KLHL11: variants seen among roughly 807,000 people sequenced by gnomAD.
The protein encoded by KLHL11 is kelch like family member 11.
A neutral mutation model predicts 56.1 loss-of-function variants in KLHL11; 26 were observed. That is an observed-to-expected ratio of 0.46 (90% confidence interval 0.34 to 0.64). KLHL11 has a LOEUF of 0.64. KLHL11 is among the 30% of genes least tolerant of loss of function. KLHL11 has a pLI of 0.01. For synonymous variants in KLHL11, 338 were observed against 345.8 expected (o/e 0.98, Z 0.25); for missense variants, 627 against 919.4 (o/e 0.68, Z 4.11).
intron 1 of KLHL11, among the ~76,000 whole-genome samples, chr17:41,858,389 G>GAT (rs782184694): frequency 1.6e-3 from 148 of 92,610 alleles, no homozygotes; most frequent in African/African-American, 4.9e-3. Flanking sequence ...ACCAAACCCA[G>GAT]ATATATATAT....
chr17:41,861,089 G>C (rs1445745847), intron 1 of KLHL11, among the ~76,000 whole-genome samples: 1 of 152,152 alleles, frequency 6.6e-6, no homozygotes, highest in Non-Finnish European at 1.5e-5. Context: ...AAACTAAGGA[G>C]GCTAAGGTCT....
chr17:41,859,920 C>CTA (rs1336488797), intron 1 of KLHL11, among the ~76,000 whole-genome samples: 2 of 152,146 alleles, frequency 1.3e-5, no homozygotes, highest in Non-Finnish European at 2.9e-5. Context: ...TTTAAAAAGA[C>CTA]TAAGTCCCCA....
chr17:41,855,000 A>G lies in KLHL11; in HGVS notation c.867T>C (p.Phe289=). Residue 289 remains phenylalanine, a synonymous_variant, in exon 2 of 2, where the codon TTT becomes TTC. Transcript: ENST00000319121. This position sits in a 1 kb window ranked among gnomAD's most constrained non-coding sequence, Gnocchi z 4.9. The part of the protein sequence containing the change: ...EERERYFEEL[F]KLLRLSQMKP... The stretch of plus-strand genomic sequence containing the variant: ...TCATCTGGGACAACCTGAGCAATTT[A>G]AAAAGTTCTTCAAAGTATCTCTCTC... 6.2e-7 allele frequency: 1 copy of G among 1,614,156 alleles called. No homozygotes were observed. Among genetic ancestry groups the G allele is most frequent in the Non-Finnish European group, 8.5e-7 (1 of 1,180,026 alleles).
rs782500772 is a variant in KLHL11, at chr17:41,865,077, C to T, written c.294G>A (p.Leu98=). The T allele has an allele frequency of 6.3e-7, 1 of 1,598,288 alleles. No homozygotes were observed. The highest frequency in any genetic ancestry group is 1.7e-5 in the Admixed American group (1 of 58,808). ...CGCGGCCTCCAGCCCCGCCGAAGCA[C>T]AGGGTAATGTCGCAGAAGAGGCCCT... is the stretch of plus-strand genomic sequence containing the variant. ...RRQGLFCDIT[L]CFGGAGGREF... is the part of the protein sequence containing the mutation. Residue 98 remains leucine (L), a synonymous_variant, in exon 1 of 2, where the codon CTG becomes CTA. Coordinates refer to ENST00000319121, the MANE Select transcript of KLHL11 (RefSeq NM_018143.3).
At chr17:41,862,210 TC>T (rs2048408034) in intron 1 of KLHL11, among the ~76,000 whole-genome samples, 2 of 152,174 alleles carry the variant, frequency 1.3e-5, no homozygotes, top group Admixed American at 1.3e-4. Context: ...TGCCTCAGCC[TC>T]CTGAGTAGTT....
rs1229103228 is a variant in KLHL11 at position 41,850,935 on chromosome 17, A to C, written c.*2805T>G. ...TAAAAATTTCAAGTTCTTAGTATAG[A>C]GCCCAAGACCTACAACTTGCAGCAA... is the stretch of plus-strand genomic sequence containing the variant. On this transcript the variant is annotated 3_prime_UTR_variant, in exon 2 of 2. Coordinates refer to ENST00000319121, the MANE Select transcript of KLHL11 (RefSeq NM_018143.3). 6.6e-6 allele frequency: 1 copy of C among 152,226 alleles called. No homozygotes were observed. The highest frequency in any genetic ancestry group is 1.5e-5 in the Non-Finnish European group (1 of 68,032). The allele number at this position is 152,226 out of a possible 1,614,324, so 9.4% of individuals were successfully genotyped here. A position where few individuals can be genotyped will look rare whatever the true frequency, so the allele number is the denominator to read the frequency against.
chr17:41,864,930 C>T lies in KLHL11; in HGVS notation c.441G>A (p.Pro147=). Residue 147 remains proline, a synonymous_variant, in exon 1 of 2, where the codon CCG becomes CCA. Coordinates refer to ENST00000319121, the MANE Select transcript of KLHL11 (RefSeq NM_018143.3). ...CTTCCACTGTGTCGGGTTCGGGCCC[C>T]GGCTCGGAGCTCCACTTGCGCATCT... ...RVEMRKWSSE[P]GPEPDTVEAV... The T allele has an allele frequency of 2.5e-6, 4 of 1,610,842 alleles. No homozygotes were observed. The South Asian group carries it at 3.3e-5, about 13-fold the overall frequency.
At chr17:41,858,405 T>TATA (rs144099618) in intron 1 of KLHL11, among the ~76,000 whole-genome samples, 19,711 of 48,796 alleles carry the variant, frequency 0.4, 1,764 homozygotes, top group South Asian at 0.51. Flanking sequence ...TATATATATA[T>TATA]TTTTTGTTGT....
In KLHL11 at chr17:41,865,350, C is replaced by A. The variant is rs1043542055; in HGVS notation, c.21G>T (p.Ala7=). The change falls in exon 1 of 2, where the codon GCG becomes GCT. Residue 7 remains alanine (A), a synonymous_variant. Coordinates refer to ENST00000319121, the MANE Select transcript of KLHL11 (RefSeq NM_018143.3). The stretch of plus-strand genomic sequence containing the variant: ...CAGCCGCGGCCGCCGCCGCCGCCGC[C>A]GCCACTGCCGCAGCCGCCATCTTGA... The part of the protein sequence containing the change: MAAAAV[A]AAAAAAAAAS... 1.7e-5 allele frequency: 25 copies of A among 1,446,536 alleles called. No homozygotes were observed. In the East Asian group the frequency reaches 3.3e-4, roughly 19 times the overall value. The allele number at this position is 1,446,536 out of a possible 1,614,324, so 89.6% of individuals were successfully genotyped here. A position where few individuals can be genotyped will look rare whatever the true frequency, so the allele number is the denominator to read the frequency against.
rs1555622227 is a variant in KLHL11, at chr17:41,854,050, T to C, written c.1817A>G (p.Tyr606Cys). ...TATAATGAAGACATCATCTTTGTAATAGCAAATGGCTGCTCCTTCGATGCT... is the reference window on the plus strand; with the variant it reads ...TATAATGAAGACATCATCTTTGTAACAGCAAATGGCTGCTCCTTCGATGCT... ...VLSIEGAAIC[Y>C]YKDDVFIIGG... The change falls in exon 2 of 2, where the codon TAT becomes TGT. Residue 606 changes from tyrosine to cysteine, a missense_variant. Physicochemically the swap from Tyr to Cys is radical, Grantham distance 194. Transcript: ENST00000319121. The surrounding 1 kb of genome is among the most constrained non-coding windows in gnomAD (Gnocchi z 4.9). The C allele has an allele frequency of 1.9e-6, 3 of 1,614,082 alleles. No homozygotes were observed. The highest frequency in any genetic ancestry group is 1.3e-5 in the African/African-American group (1 of 74,936).
intron 1 of KLHL11, among the ~76,000 whole-genome samples, chr17:41,862,916 A>G (rs1032611187): frequency 1.3e-5 from 2 of 152,156 alleles, no homozygotes; most frequent in African/African-American, 4.8e-5. Context: ...ACTCCCAAAC[A>G]GGCTCTTCTG....
At chr17:41,856,136 G>A (rs1024902594) in intron 1 of KLHL11, among the ~76,000 whole-genome samples, 4 of 152,070 alleles carry the variant, frequency 2.6e-5, no homozygotes, top group Middle Eastern at 3.4e-3. Flanking sequence ...GATTACAGGC[G>A]TGTGCCACCA....
Position 41,865,388 on chromosome 17 carries a change from C to G in KLHL11, c.-18G>C, listed in dbSNP as rs782055630. On this transcript the variant is annotated 5_prime_UTR_variant, in exon 1 of 2. Transcript: ENST00000319121. ...GCCGCCATCTTGACGCCGCTGCGCC[C>G]GGCCTCCACAGCCTCGGAACGATGC... 7.4e-6 allele frequency: 10 copies of G among 1,352,140 alleles called. No individual in the cohort carries two copies. The highest frequency in any genetic ancestry group is 1.6e-5 in the African/African-American group (1 of 64,470). 83.8% of individuals were successfully genotyped at this position (1,352,140 alleles called of 1,614,324 possible). A position where few individuals can be genotyped will look rare whatever the true frequency, so the allele number is the denominator to read the frequency against.
chr17:41,850,311 A>G lies in KLHL11; in HGVS notation c.*3429T>C, dbSNP rs944648548. 9.2e-5 allele frequency: 14 copies of G among 152,350 alleles called. No homozygotes were observed. Among genetic ancestry groups the G allele is most frequent in the African/African-American group, 3.4e-4 (14 of 41,596 alleles). 9.4% of individuals were successfully genotyped at this position (152,350 alleles called of 1,614,324 possible). On this transcript the variant is annotated 3_prime_UTR_variant, in exon 2 of 2. Transcript: ENST00000319121. ...ACCTGCACACATCATCATGCAATGA[A>G]GGACTTACCCCTTCTTTTCAGCCAT...
intron 1 of KLHL11, among the ~76,000 whole-genome samples, chr17:41,860,578 A>G (rs934774066): frequency 4.6e-5 from 7 of 152,122 alleles, no homozygotes; most frequent in South Asian, 2.1e-4. Context: ...TAACTCCCCA[A>G]TAGAGCAGGA....
Position 41,855,198 on chromosome 17 carries a change from C to G in KLHL11, c.669G>C (p.Lys223Asn), listed in dbSNP as rs781823666. The G allele has an allele frequency of 6.2e-7, 1 of 1,614,026 alleles. No individual in the cohort carries two copies. Residue 223 changes from lysine to asparagine, a missense_variant, in exon 2 of 2, where the codon AAG becomes AAC. Lys to Asn is a moderately conservative substitution (Grantham distance 94). This residue lies in a region of KLHL11 where 150 missense variants were observed against 215.7 expected (regional missense o/e 0.70). Transcript: ENST00000319121. ...AATTTCTCCGTATCATATCAGCAGC[C>G]TTCAGAGCAAGTTGGCTCAGGGTGT... Reference protein sequence around the residue: ...HMYTLSQLALKAADMIRRNFH... With the variant: ...HMYTLSQLALNAADMIRRNFH...
At chr17:41,855,450 C>T in intron 1 of KLHL11, 129 bp from the exon 2 acceptor site, 3 of 636,310 alleles carry the variant, frequency 4.7e-6, no homozygotes, top group Non-Finnish European at 5.3e-6. Context: ...GTGATCTCGG[C>T]TCACTGCAAC....
rs1487790164 is a variant in KLHL11 at position 41,848,526 on chromosome 17, AAT to A, written c.*5212_*5213del. The A allele has an allele frequency of 2.0e-6, 1 of 498,166 alleles. No individual in the cohort carries two copies. Among genetic ancestry groups the A allele is most frequent in the Admixed American group, 3.7e-5 (1 of 27,036 alleles). 30.9% of individuals were successfully genotyped at this position (498,166 alleles called of 1,614,324 possible). On this transcript the variant is annotated 3_prime_UTR_variant, in exon 2 of 2. Coordinates refer to ENST00000319121, the MANE Select transcript of KLHL11 (RefSeq NM_018143.3). ...ACACAGTACAAACCAGCTTTAAAGAAATATGTTTATTTAAAACTTACACTGAG... is the reference window on the plus strand; with the variant it reads ...ACACAGTACAAACCAGCTTTAAAGAAATGTTTATTTAAAACTTACACTGAG...
chr17:41,855,673 C>T (rs2048360396), intron 1 of KLHL11, among the ~76,000 whole-genome samples: 1 of 149,200 alleles, frequency 6.7e-6, no homozygotes, highest in Admixed American at 6.7e-5. Flanking sequence ...GCCCGGCCTA[C>T]ATTTTTTTTT....
Sources: allele counts gnomAD v4.1 joint callset (sites outside exome capture counted in the v4.1 genomes callset), GRCh38; gene constraint gnomAD v4.1.1; regional missense constraint gnomAD v4.1.1; non-coding constraint Gnocchi (gnomAD v3.1); transcripts MANE v1.5; gene names NCBI Gene and HGNC (gene_info 2026-07-23, HGNC 2026-07-21).